PDE4DIP: variants seen among roughly 807,000 people sequenced by gnomAD.
The protein encoded by PDE4DIP is myomegalin.
PDE4DIP carries 59 observed loss-of-function variants against 221.4 expected under a neutral mutation model. The observed-to-expected ratio is 0.27, with a 90% CI of 0.22 to 0.33. PDE4DIP has a LOEUF of 0.33. Among genes scored for constraint, PDE4DIP ranks in the 10% least tolerant of loss-of-function variants. PDE4DIP has a pLI of 1.00. For synonymous variants in PDE4DIP, 404 were observed against 815.9 expected (o/e 0.50, Z 8.60); for missense variants, 1,036 against 2,154.2 (o/e 0.48, Z 10.28).
intron 6 of PDE4DIP, among the ~76,000 whole-genome samples, chr1:148,961,506 G>A (rs1351040331): frequency 6.6e-6 from 1 of 152,102 alleles, no homozygotes; most frequent in Non-Finnish European, 1.5e-5. Context: ...CTAGATAGCA[G>A]AAGCTCTTTG....
At chr1:148,934,847 G>A (rs2798876) in intron 4 of PDE4DIP, among the ~76,000 whole-genome samples, 156 of 151,972 alleles carry the variant, frequency 1.0e-3, no homozygotes, top group African/African-American at 3.4e-3. Context: ...CAGGTGATCC[G>A]CCTGCCTCAG....
At chr1:148,940,305 A>G (rs1404878096) in intron 5 of PDE4DIP, among the ~76,000 whole-genome samples, 1 of 150,710 alleles carries the variant, frequency 6.6e-6, no homozygotes, top group Non-Finnish European at 1.5e-5. Flanking sequence ...ATAATATTGC[A>G]TGACCATTGG....
At position 149,005,487 on chromosome 1, in the gene PDE4DIP, C is replaced by T. The variant is rs587682178; in HGVS notation, c.4415+50C>T. The T allele has an allele frequency of 2.9e-5, 38 of 1,299,164 alleles. No homozygotes were observed. In the South Asian group the frequency reaches 4.5e-4, roughly 15 times the overall value. 80.5% of individuals were successfully genotyped at this position (1,299,164 alleles called of 1,614,324 possible). ...TTTCTTGATTGAAAATGTGTAAGTT[C>T]ATGCTTGGCGTAGGGTAGCTCAGGC... is the stretch of plus-strand genomic sequence containing the variant. On this transcript the variant is annotated intron_variant, in intron 27 of 43. Transcript: ENST00000369354.
chr1:149,032,996 A>G (rs1458601215), exon 44 of PDE4DIP: 13 of 180,500 alleles, frequency 7.2e-5, no homozygotes, highest in African/African-American at 3.1e-4. Flanking sequence ...GTGTATAAAG[A>G]AATAAATAGT....
rs3863688 is a variant in PDE4DIP, at chr1:149,031,648, CAA to C, written c.7000-294_7000-293del. ...TGGCAAAGGCCTCTTTCTGCTGAGACAAAGTGATTTGGAGAGTCACCTGGCCC... is the reference window on the plus strand; with the variant it reads ...TGGCAAAGGCCTCTTTCTGCTGAGACAGTGATTTGGAGAGTCACCTGGCCC... On this transcript the variant is annotated intron_variant, in intron 43 of 43. Transcript: ENST00000369354. 5.1e-4 allele frequency among the ~76,000 whole-genome samples: 68 copies of C among 132,622 alleles called. 1 individual carries two copies. In the East Asian group the frequency reaches 8.6e-3, roughly 17 times the overall value. The allele number at this position is 132,622 out of a possible 152,430, so 87.0% of individuals were successfully genotyped here. A position where few individuals can be genotyped will look rare whatever the true frequency, so the allele number is the denominator to read the frequency against.
chr1:148,934,181 T>C (rs587705264), intron 4 of PDE4DIP, among the ~76,000 whole-genome samples: 3 of 151,938 alleles, frequency 2.0e-5, no homozygotes, highest in African/African-American at 7.2e-5. Context: ...TTTGAAGGCT[T>C]TGTGATAGCA....
At chr1:148,979,992 C>T in intron 20 of PDE4DIP, 143 bp downstream of exon 23, 1 of 1,140,832 alleles carries the variant, frequency 8.8e-7, no homozygotes, top group South Asian at 1.5e-5. Flanking sequence ...ATTACCGGGG[C>T]TACCCACTTT....
intron 41 of PDE4DIP, 50 bp from the exon 45 acceptor site, chr1:149,029,737 G>C (rs782059274): frequency 1.1e-6 from 1 of 885,936 alleles, no homozygotes; most frequent in East Asian, 2.4e-5. Context: ...AAAGCACAGG[G>C]TGCTTTAGGC....
intron 5 of PDE4DIP, among the ~76,000 whole-genome samples, chr1:148,955,546 C>T (rs1553501416): frequency 6.6e-6 from 1 of 152,058 alleles, no homozygotes; most frequent in African/African-American, 2.4e-5. Flanking sequence ...GTAGCCCATG[C>T]AGAGACAAAG....
chr1:148,979,763 A>G, exon 20 of PDE4DIP: 1 of 1,613,496 alleles, frequency 6.2e-7, no homozygotes, highest in Non-Finnish European at 8.5e-7. Flanking sequence ...AAGGACTAGT[A>G]GATGAACGGA....
At chr1:148,929,468 G>C (rs2047363741) in intron 2 of PDE4DIP, 195 bp downstream of exon 5, 1 of 716,688 alleles carries the variant, frequency 1.4e-6, no homozygotes. Flanking sequence ...GATGGACCTT[G>C]TCATAAGTTG....
chr1:149,020,302 G>A (rs1553616888), exon 36 of PDE4DIP: 1 of 503,488 alleles, frequency 2.0e-6, no homozygotes, highest in Non-Finnish European at 3.5e-6. Flanking sequence ...GCATTTCAGG[G>A]AGGAACGTCT....
chr1:148,848,142 T>A (rs2799333), intron 1 of PDE4DIP, among the ~76,000 whole-genome samples: 6 of 978 alleles, frequency 6.1e-3, no homozygotes, highest in Admixed American at 0.013. Flanking sequence ...CACCAAGTAC[T>A]CTTACATATG....
At chr1:148,824,439 G>C (rs1670148048) in intron 1 of PDE4DIP, among the ~76,000 whole-genome samples, 1 of 136,774 alleles carries the variant, frequency 7.3e-6, no homozygotes, top group African/African-American at 2.8e-5. Context: ...AATCTCGGAA[G>C]CAACATTCCA....
At chr1:148,978,500 C>G in intron 19 of PDE4DIP, 85 bp downstream of exon 22, 1 of 926,346 alleles carries the variant, frequency 1.1e-6, no homozygotes, top group South Asian at 1.8e-5. Flanking sequence ...TGGAGTTTCA[C>G]CATGTTGGTC....
chr1:148,977,641 C>T (rs1553538712), intron 17 of PDE4DIP, among the ~76,000 whole-genome samples: 2 of 152,026 alleles, frequency 1.3e-5, no homozygotes, highest in Non-Finnish European at 1.5e-5. Context: ...TTCATCTCTT[C>T]TTGCTTCTGC....
chr1:148,914,827 G>C (rs2043532246), intron 1 of PDE4DIP, among the ~76,000 whole-genome samples: 1 of 115,636 alleles, frequency 8.6e-6, no homozygotes, highest in Non-Finnish European at 1.8e-5. Flanking sequence ...GGGCATACCT[G>C]ATAAGGGTAT....
At chr1:148,855,261 ATTAC>A (rs1484157216) in intron 1 of PDE4DIP, among the ~76,000 whole-genome samples, 4 of 110,522 alleles carry the variant, frequency 3.6e-5, no homozygotes, top group African/African-American at 1.1e-4. Context: ...AGGAAAAATA[ATTAC>A]TTACTTATTA....
chr1:148,963,072 A>G (rs1438383400), intron 9 of PDE4DIP, among the ~76,000 whole-genome samples: 1 of 151,898 alleles, frequency 6.6e-6, no homozygotes, highest in Non-Finnish European at 1.5e-5. Flanking sequence ...TTGTTTTTGT[A>G]TTTTTGGTAG....
Sources: allele counts gnomAD v4.1 joint callset (sites outside exome capture counted in the v4.1 genomes callset), GRCh38; gene constraint gnomAD v4.1.1; transcripts MANE v1.5; gene names NCBI Gene and HGNC (gene_info 2026-07-23, HGNC 2026-07-21).